Variants in MAPK8IP3 observed in about 807,000 individuals in gnomAD.
MAPK8IP3 encodes mitogen-activated protein kinase 8 interacting protein 3, also known as C-Jun-amino-terminal kinase-interacting protein 3.
MAPK8IP3 carries 49 observed loss-of-function variants against 157.8 expected under a neutral mutation model. The observed-to-expected ratio is 0.31, with a 90% CI of 0.25 to 0.39. MAPK8IP3 has a LOEUF of 0.39. Ranked by LOEUF, MAPK8IP3 falls within the 10% of genes least tolerant of loss-of-function variation. MAPK8IP3 has a pLI of 1.00. For synonymous variants in MAPK8IP3, 897 were observed against 777.7 expected, an observed-to-expected ratio of 1.15 and a Z score of -2.55; for missense variants, 1,478 against 1,889.4, an observed-to-expected ratio of 0.78 and a Z score of 4.04.
At chr16:1,712,945 G>C (rs2037889634) in intron 1 of MAPK8IP3, among the ~76,000 whole-genome samples, 1 of 152,234 alleles carries the variant, frequency 6.6e-6, no homozygotes, top group South Asian at 2.1e-4. Context: ...CCAACAAGGG[G>C]CCGGCACCCT....
Position 1,748,606 on chromosome 16 carries a change from A to G in MAPK8IP3, c.1102A>G (p.Thr368Ala). Residue 368 changes from threonine (T) to alanine (A), a missense_variant, in exon 8 of 32, where the codon ACC becomes GCC. Thr to Ala is a moderately conservative substitution (Grantham distance 58, BLOSUM62 0). This residue lies in a region of MAPK8IP3 where 315 missense variants were observed against 394.4 expected (regional missense o/e 0.80). Coordinates refer to ENST00000610761, the MANE Select transcript of MAPK8IP3 (RefSeq NM_001318852.2). ...TRLDRTGSSP[T>A]QGIVNKAFGI... ...CCGACCTGTGGATCCCAACAGCCCA[A>G]CCCAGGGCATCGTGAACAAAGCTTT... is the stretch of plus-strand genomic sequence containing the variant. 1 of 1,612,656 alleles carries G rather than the reference A, an allele frequency of 6.2e-7. No homozygotes were observed.
chr16:1,731,412 T>A (rs1266324660), intron 4 of MAPK8IP3, among the ~76,000 whole-genome samples: 1 of 152,252 alleles, frequency 6.6e-6, no homozygotes, highest in Non-Finnish European at 1.5e-5. Flanking sequence ...CGGGAGTCCC[T>A]GTGCTGGCTC....
At chr16:1,733,156 G>T (rs1176994525) in intron 4 of MAPK8IP3, among the ~76,000 whole-genome samples, 1 of 152,178 alleles carries the variant, frequency 6.6e-6, no homozygotes, top group Non-Finnish European at 1.5e-5. Context: ...CCTGGGAGCT[G>T]CAGCATTCCA....
intron 12 of MAPK8IP3, among the ~76,000 whole-genome samples, chr16:1,760,992 G>A (rs1043354954): frequency 3.9e-5 from 6 of 152,316 alleles, no homozygotes; most frequent in South Asian, 2.1e-4. Flanking sequence ...CAGGATGGAC[G>A]GCTGGGCTTC....
At position 1,741,068 on chromosome 16, in the gene MAPK8IP3, G is replaced by A. The variant is rs1261708353; in HGVS notation, c.603-2264G>A. On this transcript the variant is annotated intron_variant, in intron 4 of 31. Transcript: ENST00000610761. The surrounding 1 kb of genome is among the most constrained non-coding windows in gnomAD (Gnocchi z 6.9). ...CTGGTGCTGACTCGGGGGGCGACGG[G>A]CCAAGGAAGGGCCCCTCTCTGCATC... Among the ~76,000 whole-genome samples the A allele has an allele frequency of 6.6e-6, 1 of 152,008 alleles. No individual in the cohort carries two copies. The highest frequency in any genetic ancestry group is 1.9e-4 in the East Asian group (1 of 5,180).
chr16:1,748,745 C>T lies in MAPK8IP3; in HGVS notation c.1216+25C>T, dbSNP rs779012465. On this transcript the variant is annotated intron_variant, in intron 8 of 31. Coordinates refer to ENST00000610761, the MANE Select transcript of MAPK8IP3 (RefSeq NM_001318852.2). ...GGTAAGCGCAAGCCTTCCCCCGCAC[C>T]GCTGTGCCTGCACAATGCTGGGGCT... The T allele has an allele frequency of 9.6e-6, 15 of 1,568,104 alleles. No homozygotes were observed. In the East Asian group the frequency reaches 1.3e-4, roughly 14 times the overall value.
chr16:1,753,730 C>T (rs948266600), intron 8 of MAPK8IP3, among the ~76,000 whole-genome samples: 3 of 151,688 alleles, frequency 2.0e-5, no homozygotes, highest in East Asian at 2.0e-4. Context: ...CGTGAGCCAC[C>T]GTGCCCAGCC....
intron 12 of MAPK8IP3, 77 bp downstream of exon 12, chr16:1,760,609 C>T (rs1490995720): frequency 6.5e-7 from 1 of 1,526,844 alleles, no homozygotes; most frequent in South Asian, 1.2e-5. Context: ...TCCTCCAGTG[C>T]CTGCTCTCCA....
chr16:1,751,199 T>C lies in MAPK8IP3; in HGVS notation c.1216+2479T>C, dbSNP rs1188274031. On this transcript the variant is annotated intron_variant, in intron 8 of 31. Transcript: ENST00000610761. The surrounding 1 kb of genome is among the most constrained non-coding windows in gnomAD (Gnocchi z 5.0). ...GGCCGGGCACAGTGGCTCATGCCCGTAATCCCAGCACTTTGGGAGGCCGAG... is the reference window on the plus strand; with the variant it reads ...GGCCGGGCACAGTGGCTCATGCCCGCAATCCCAGCACTTTGGGAGGCCGAG... Among the ~76,000 whole-genome samples the C allele has an allele frequency of 2.0e-5, 3 of 151,772 alleles. No individual in the cohort carries two copies. Among genetic ancestry groups the C allele is most frequent in the African/African-American group, 7.3e-5 (3 of 41,356 alleles).
chr16:1,764,493 T>G, intron 19 of MAPK8IP3, 34 bp downstream of exon 19: 1 of 1,599,416 alleles, frequency 6.3e-7, no homozygotes, highest in Non-Finnish European at 8.5e-7. Context: ...GCACCCTCCC[T>G]GGCTTAGTCT....
Position 1,762,480 on chromosome 16 carries a change from A to G in MAPK8IP3, c.1669A>G (p.Arg557Gly). 1 of 1,611,644 alleles carries G rather than the reference A, an allele frequency of 6.2e-7. No individual in the cohort carries two copies. ...GGCTGTGCGGTGGACTGAGATGATC[A>G]GGTGGGAGTTGCGGCCACCCCAGGA... ...QEAVRWTEMI[R>G]ASREHPSVQE... is the part of the protein sequence containing the mutation. The change falls in exon 14 of 32, where the codon AGA (arginine) becomes GGA (glycine). Residue 557 changes from arginine to glycine, a missense_variant and splice_region_variant. This residue lies in a region of MAPK8IP3 where 669 missense variants were observed against 759.8 expected (regional missense o/e 0.88). Coordinates refer to ENST00000610761, the MANE Select transcript of MAPK8IP3 (RefSeq NM_001318852.2).
At chr16:1,758,648 C>A (rs2041759435) in intron 9 of MAPK8IP3, among the ~76,000 whole-genome samples, 1 of 152,186 alleles carries the variant, frequency 6.6e-6, no homozygotes, top group African/African-American at 2.4e-5. Flanking sequence ...AGCCTCCAGG[C>A]ACAGCCCATC....
chr16:1,759,001 G>T lies in MAPK8IP3; in HGVS notation c.1246+6G>T. ...AGTGCGCGATGATTTCTTTGGTAAG[G>T]CTGAGGCCCCGTTCCAGCGTGCGTC... On this transcript the variant is annotated splice_donor_region_variant and intron_variant, in intron 10 of 31. Transcript: ENST00000610761. 1.2e-6 allele frequency: 2 copies of T among 1,614,142 alleles called. No individual in the cohort carries two copies. The highest frequency in any genetic ancestry group is 1.3e-5 in the African/African-American group (1 of 75,048).
intron 1 of MAPK8IP3, among the ~76,000 whole-genome samples, chr16:1,715,278 G>A (rs1257834573): frequency 6.6e-6 from 1 of 152,148 alleles, no homozygotes; most frequent in African/African-American, 2.4e-5. Flanking sequence ...ATGGAGAAAT[G>A]TCCTTCCCTC....
intron 4 of MAPK8IP3, among the ~76,000 whole-genome samples, chr16:1,738,916 ATGTG>A (rs755822824): frequency 3.6e-5 from 3 of 83,664 alleles, no homozygotes; most frequent in African/African-American, 1.5e-4. Flanking sequence ...TGTAGCATCC[ATGTG>A]TGTGAGCGTC....
At chr16:1,708,191 C>T (rs1479248795) in intron 1 of MAPK8IP3, among the ~76,000 whole-genome samples, 1 of 152,196 alleles carries the variant, frequency 6.6e-6, no homozygotes, top group Non-Finnish European at 1.5e-5. Context: ...AGGGGCTGAA[C>T]CAAGGTCACC....
intron 4 of MAPK8IP3, among the ~76,000 whole-genome samples, chr16:1,736,721 ACCG>A (rs2039898428): frequency 3.2e-5 from 2 of 62,458 alleles, no homozygotes; most frequent in African/African-American, 7.8e-5. Flanking sequence ...TGAGCGTGTG[ACCG>A]TCCGTGTGAG....
chr16:1,758,220 G>A (rs968210780), intron 9 of MAPK8IP3, 61 bp downstream of exon 9: 4 of 1,596,646 alleles, frequency 2.5e-6, no homozygotes, highest in East Asian at 4.5e-5. Flanking sequence ...GGGTGGACGG[G>A]GGATGCCCCG....
In MAPK8IP3 at chr16:1,766,396, C is replaced by CCCCA; in HGVS notation, c.2807_2810dup (p.Gln937HisfsTer12). On this transcript the variant is annotated frameshift_variant, in exon 22 of 32. Coordinates refer to ENST00000610761, the MANE Select transcript of MAPK8IP3 (RefSeq NM_001318852.2). LOFTEE classifies it high-confidence loss of function. The stretch of plus-strand genomic sequence containing the variant: ...CCCAGCCCCGACCCCGTCCTCTGGC[C>CCCCA]CCCAGCCTGGCAGGTGAGCTCTTGG... 1 of 1,610,388 alleles carries CCCCA rather than the reference C, an allele frequency of 6.2e-7. No homozygotes were observed. The highest frequency in any genetic ancestry group is 8.5e-7 in the Non-Finnish European group (1 of 1,178,400).
Sources: allele counts gnomAD v4.1 joint callset (sites outside exome capture counted in the v4.1 genomes callset), GRCh38; gene constraint gnomAD v4.1.1; regional missense constraint gnomAD v4.1.1; non-coding constraint Gnocchi (gnomAD v3.1); transcripts MANE v1.5; gene names NCBI Gene and HGNC (gene_info 2026-07-23, HGNC 2026-07-21).